Variants in KIRREL3 observed in about 807,000 individuals in gnomAD.
KIRREL3 encodes kirre like nephrin family adhesion molecule 3.
In KIRREL3, 36 loss-of-function variants were observed where a neutral mutation model predicts 89.7. The observed-to-expected ratio is 0.40, with a 90% CI of 0.31 to 0.53. The LOEUF is 0.53. Ranked by LOEUF, KIRREL3 falls within the 20% of genes least tolerant of loss-of-function variation. KIRREL3 has a pLI of 0.49. For missense variants in KIRREL3, 864 were observed against 1,056.6 expected (o/e 0.82, Z 2.53); for synonymous variants, 445 against 441.4 (o/e 1.01, Z -0.10).
At chr11:126,884,306 T>C (rs1945617764) in intron 1 of KIRREL3, among the ~76,000 whole-genome samples, 1 of 152,214 alleles carries the variant, frequency 6.6e-6, no homozygotes, top group Non-Finnish European at 1.5e-5. Flanking sequence ...TGGAGAAGCA[T>C]GGTTCTAGAG....
rs565952364 is a variant in KIRREL3 at position 126,628,899 on chromosome 11, G to T, written c.56-65987C>A. On this transcript the variant is annotated intron_variant, in intron 1 of 16. Coordinates refer to ENST00000525144, the MANE Select transcript of KIRREL3 (RefSeq NM_032531.4). This position sits in a 1 kb window ranked among gnomAD's most constrained non-coding sequence, Gnocchi z 5.2. Reference sequence around the variant, plus strand: ...GCATCTGACAGCACAGGGAGGCAGGGCTTCCCCAGCCCAGCAGAGGCACCA... The same window carrying T: ...GCATCTGACAGCACAGGGAGGCAGGTCTTCCCCAGCCCAGCAGAGGCACCA... Among the ~76,000 whole-genome samples, 1 of 152,328 alleles carries T rather than the reference G, an allele frequency of 6.6e-6. No homozygotes were observed. Among genetic ancestry groups the T allele is most frequent in the East Asian group, 1.9e-4 (1 of 5,182 alleles).
At chr11:126,493,039 A>G (rs573475421) in intron 4 of KIRREL3, among the ~76,000 whole-genome samples, 1 of 152,206 alleles carries the variant, frequency 6.6e-6, no homozygotes, top group South Asian at 2.1e-4. Flanking sequence ...TTGCACAGCA[A>G]TTTCCCTGCA....
intron 1 of KIRREL3, among the ~76,000 whole-genome samples, chr11:126,825,606 G>T (rs889614780): frequency 6.6e-6 from 1 of 152,130 alleles, no homozygotes; most frequent in African/African-American, 2.4e-5. Flanking sequence ...GTTACCACTG[G>T]GTTTGTTGTC....
chr11:126,649,085 G>C (rs4937169), intron 1 of KIRREL3, among the ~76,000 whole-genome samples: 86,272 of 151,964 alleles, frequency 0.57, 25,287 homozygotes, highest in East Asian at 0.75. Context: ...AAGTGAAAAC[G>C]CCTGATATAA....
At chr11:126,629,274 C>T (rs1943918086) in intron 1 of KIRREL3, among the ~76,000 whole-genome samples, 2 of 152,122 alleles carry the variant, frequency 1.3e-5, no homozygotes, top group Non-Finnish European at 2.9e-5. Context: ...GACTGTGCTG[C>T]CTGCAGCCAA....
At position 126,496,177 on chromosome 11, in the gene KIRREL3, A is replaced by T. The variant is rs1486239928; in HGVS notation, c.434-22711T>A. On this transcript the variant is annotated intron_variant, in intron 4 of 16. Coordinates refer to ENST00000525144, the MANE Select transcript of KIRREL3 (RefSeq NM_032531.4). This position sits in a 1 kb window ranked among gnomAD's most constrained non-coding sequence, Gnocchi z 4.9. ...CCACTGAGCTTGGAGGTGATTTGTT[A>T]TGCAGAAATTGACAACCAGACAGAT... 6.6e-6 allele frequency among the ~76,000 whole-genome samples: 1 copy of T among 152,246 alleles called. No individual in the cohort carries two copies. Among genetic ancestry groups the T allele is most frequent in the Non-Finnish European group, 1.5e-5 (1 of 68,044 alleles).
Position 126,719,893 on chromosome 11 carries a change from G to A in KIRREL3, c.56-156981C>T, listed in dbSNP as rs956133720. The stretch of plus-strand genomic sequence containing the variant: ...ACCCAGTGGCCACAGCCATCCTTAC[G>A]CAATGTAGCAATGTCAGTTGGATCT... On this transcript the variant is annotated intron_variant, in intron 1 of 16. Coordinates refer to ENST00000525144, the MANE Select transcript of KIRREL3 (RefSeq NM_032531.4). This position sits in a 1 kb window ranked among gnomAD's most constrained non-coding sequence, Gnocchi z 4.7. Among the ~76,000 whole-genome samples, 53 of 152,108 alleles carry A rather than the reference G, an allele frequency of 3.5e-4. No individual in the cohort carries two copies. The highest frequency in any genetic ancestry group is 8.8e-5 in the Non-Finnish European group (6 of 68,034).
chr11:126,541,511 TA>T lies in KIRREL3; in HGVS notation c.134-14825del, dbSNP rs1433770982. ...GGGCTCAGATCTATATCCTAAACAT[TA>T]AAAAAAGTAAACAAAATAATCATTT... On this transcript the variant is annotated intron_variant, in intron 2 of 16. Coordinates refer to ENST00000525144, the MANE Select transcript of KIRREL3 (RefSeq NM_032531.4). This position sits in a 1 kb window ranked among gnomAD's most constrained non-coding sequence, Gnocchi z 4.8. Among the ~76,000 whole-genome samples, 1 of 151,874 alleles carries T rather than the reference TA, an allele frequency of 6.6e-6. No individual in the cohort carries two copies. Among genetic ancestry groups the T allele is most frequent in the East Asian group, 1.9e-4 (1 of 5,198 alleles).
Position 126,940,390 on chromosome 11 carries a change from G to C in KIRREL3, c.55+60065C>G, listed in dbSNP as rs760832336. 1.2e-5 allele frequency: 1 copy of C among 86,586 alleles called. No homozygotes were observed. The allele number at this position is 86,586 out of a possible 1,614,324, so 5.4% of individuals were successfully genotyped here. ...CCAGTAGATTTACTTTTGCTATGCC[G>C]CCCTAGATTATGAAAAAGTATAATT... is the stretch of plus-strand genomic sequence containing the variant. On this transcript the variant is annotated intron_variant, in intron 1 of 16. Coordinates refer to ENST00000525144, the MANE Select transcript of KIRREL3 (RefSeq NM_032531.4). The surrounding 1 kb of genome is among the most constrained non-coding windows in gnomAD (Gnocchi z 4.6).
At chr11:126,961,548 G>A (rs897698156) in intron 1 of KIRREL3, among the ~76,000 whole-genome samples, 1 of 152,188 alleles carries the variant, frequency 6.6e-6, no homozygotes, top group Non-Finnish European at 1.5e-5. Context: ...AGAAATGTTG[G>A]AAGCTAGCAC....
rs1472553528 is a variant in KIRREL3 at position 126,516,543 on chromosome 11, T to C, written c.433+4772A>G. ...GGGCAAGGATGGTTTTCTCTTTCGT[T>C]TCCTGATGAATCCCACGTGTCTAGA... is the stretch of plus-strand genomic sequence containing the variant. On this transcript the variant is annotated intron_variant, in intron 4 of 16. Transcript: ENST00000525144. The surrounding 1 kb of genome is among the most constrained non-coding windows in gnomAD (Gnocchi z 4.9). Among the ~76,000 whole-genome samples, 4 of 152,190 alleles carry C rather than the reference T, an allele frequency of 2.6e-5. No homozygotes were observed. In the East Asian group the frequency reaches 7.7e-4, roughly 29 times the overall value.
chr11:126,719,481 A>T lies in KIRREL3; in HGVS notation c.56-156569T>A, dbSNP rs1365469841. Among the ~76,000 whole-genome samples, 1 of 152,142 alleles carries T rather than the reference A, an allele frequency of 6.6e-6. No individual in the cohort carries two copies. The highest frequency in any genetic ancestry group is 1.9e-4 in the East Asian group (1 of 5,190). Reference sequence around the variant, plus strand: ...ATTCACTGCCTAGGTGATCTTACTTAGTCCCATGGCTTTCATTCCACCCGC... The same window carrying T: ...ATTCACTGCCTAGGTGATCTTACTTTGTCCCATGGCTTTCATTCCACCCGC... On this transcript the variant is annotated intron_variant, in intron 1 of 16. Transcript: ENST00000525144. The surrounding 1 kb of genome is among the most constrained non-coding windows in gnomAD (Gnocchi z 4.7).
chr11:126,547,003 G>T (rs905055785), intron 2 of KIRREL3, among the ~76,000 whole-genome samples: 1 of 152,178 alleles, frequency 6.6e-6, no homozygotes, highest in African/African-American at 2.4e-5. Flanking sequence ...CCAAGGAAAG[G>T]TTCTCTGGGA....
intron 4 of KIRREL3, among the ~76,000 whole-genome samples, chr11:126,488,191 G>A (rs1332776159): frequency 6.6e-6 from 1 of 152,266 alleles, no homozygotes; most frequent in Admixed American, 6.5e-5. Flanking sequence ...ATCTGGCTCT[G>A]ATTATCCCTA....
At chr11:126,670,683 C>T (rs747870815) in intron 1 of KIRREL3, among the ~76,000 whole-genome samples, 1 of 152,180 alleles carries the variant, frequency 6.6e-6, no homozygotes, top group Non-Finnish European at 1.5e-5. Context: ...TTGCCCCACC[C>T]TTGGGGGCTA....
intron 4 of KIRREL3, among the ~76,000 whole-genome samples, chr11:126,500,739 CAAAA>C (rs10556780): frequency 7.5e-6 from 1 of 133,190 alleles, no homozygotes; most frequent in Non-Finnish European, 1.6e-5. Flanking sequence ...GACTTTAACT[CAAAA>C]AAAAAAAAAA....
chr11:126,500,992 G>A (rs925055907), intron 4 of KIRREL3, among the ~76,000 whole-genome samples: 10 of 152,172 alleles, frequency 6.6e-5, no homozygotes, highest in African/African-American at 2.4e-4. Context: ...GATCCCAAAT[G>A]TCAGCCTTTC....
At chr11:126,787,993 C>T (rs372830223) in intron 1 of KIRREL3, among the ~76,000 whole-genome samples, 1 of 152,278 alleles carries the variant, frequency 6.6e-6, no homozygotes, top group East Asian at 1.9e-4. Flanking sequence ...TCATCATCAC[C>T]CCCATTTTAC....
chr11:126,564,054 G>T lies in KIRREL3; in HGVS notation c.56-1142C>A, dbSNP rs1398474123. Among the ~76,000 whole-genome samples, 1 of 152,242 alleles carries T rather than the reference G, an allele frequency of 6.6e-6. No homozygotes were observed. The highest frequency in any genetic ancestry group is 1.5e-5 in the Non-Finnish European group (1 of 68,048). ...GCCACAAACTTGGTAAATAGATAAG[G>T]AATTTGATTTCTGGAAGAGGGAATA... On this transcript the variant is annotated intron_variant, in intron 1 of 16. Coordinates refer to ENST00000525144, the MANE Select transcript of KIRREL3 (RefSeq NM_032531.4). This position sits in a 1 kb window ranked among gnomAD's most constrained non-coding sequence, Gnocchi z 7.4.
Sources: allele counts gnomAD v4.1 joint callset (sites outside exome capture counted in the v4.1 genomes callset), GRCh38; gene constraint gnomAD v4.1.1; non-coding constraint Gnocchi (gnomAD v3.1); transcripts MANE v1.5; gene names NCBI Gene and HGNC (gene_info 2026-07-23, HGNC 2026-07-21).